SEMA4C: variants seen among roughly 807,000 people sequenced by gnomAD.
The protein encoded by SEMA4C is semaphorin 4C.
SEMA4C carries 19 observed loss-of-function variants against 89.0 expected under a neutral mutation model. The ratio of observed to expected loss-of-function variants is 0.21; its 90% CI spans 0.15 to 0.31. The LOEUF (loss-of-function observed/expected upper bound fraction) is 0.31. Among genes scored for constraint, SEMA4C ranks in the 10% least tolerant of loss-of-function variants. The pLI, the probability that SEMA4C is intolerant of heterozygous loss-of-function variation, is 1.00. For synonymous variants in SEMA4C, 428 were observed against 472.7 expected (o/e 0.91, Z 1.23); for missense variants, 811 against 1,107.0 (o/e 0.73, Z 3.79).
chr2:96,870,020 G>A lies in SEMA4C; in HGVS notation c.-182C>T, dbSNP rs950234310. 1.0e-6 allele frequency: 1 copy of A among 985,410 alleles called. No homozygotes were observed. The highest frequency in any genetic ancestry group is 1.2e-6 in the Non-Finnish European group (1 of 829,576). The allele number at this position is 985,410 out of a possible 1,614,324, so 61.0% of individuals were successfully genotyped here. On this transcript the variant is annotated 5_prime_UTR_variant, in exon 1 of 15. Coordinates refer to ENST00000305476, the MANE Select transcript of SEMA4C (RefSeq NM_017789.5). ...TGCCACCGCCCCTCCGTCCCCGCCCGGCTCCGCGCCCCTAGGCTCGGGCTC... is the reference window on the plus strand; with the variant it reads ...TGCCACCGCCCCTCCGTCCCCGCCCAGCTCCGCGCCCCTAGGCTCGGGCTC...
chr2:96,860,922 A>G lies in SEMA4C; in HGVS notation c.2206T>C (p.Tyr736His), dbSNP rs1280733942. The change falls in exon 15 of 15, where the codon TAC becomes CAC. Residue 736 changes from tyrosine to histidine, a missense_variant. Around this residue, in one of 4 missense-constraint regions of SEMA4C, gnomAD observed 248 missense variants for 269.0 expected, o/e 0.92. Coordinates refer to ENST00000305476, the MANE Select transcript of SEMA4C (RefSeq NM_017789.5). ...TTAAGGGAGCCATCTGAATAGTAGT[A>G]ACCGACAGGATCCCAAAGTTTCTCA... ...PDEKLWDPVG[Y>H]YYSDGSLKIV... is the part of the protein sequence containing the mutation. 6.2e-7 allele frequency: 1 copy of G among 1,612,952 alleles called. No individual in the cohort carries two copies. Among genetic ancestry groups the G allele is most frequent in the Non-Finnish European group, 8.5e-7 (1 of 1,180,020 alleles).
chr2:96,867,432 A>G (rs1360798381), intron 2 of SEMA4C, among the ~76,000 whole-genome samples: 1 of 151,956 alleles, frequency 6.6e-6, no homozygotes, highest in African/African-American at 2.4e-5. Flanking sequence ...AGGAGGTCTT[A>G]GGGGGGCCTG....
chr2:96,870,019 C>G lies in SEMA4C; in HGVS notation c.-181G>C. On this transcript the variant is annotated 5_prime_UTR_variant, in exon 1 of 15. Coordinates refer to ENST00000305476, the MANE Select transcript of SEMA4C (RefSeq NM_017789.5). ...CTGCCACCGCCCCTCCGTCCCCGCC[C>G]GGCTCCGCGCCCCTAGGCTCGGGCT... 1.0e-6 allele frequency: 1 copy of G among 985,498 alleles called. No individual in the cohort carries two copies. The highest frequency in any genetic ancestry group is 1.2e-6 in the Non-Finnish European group (1 of 829,604). The allele number at this position is 985,498 out of a possible 1,614,324, so 61.0% of individuals were successfully genotyped here.
Position 96,860,788 on chromosome 2 carries a change from AC to A in SEMA4C, c.2339del (p.Gly780ValfsTer15), listed in dbSNP as rs2079923658. The A allele has an allele frequency of 1.2e-6, 2 of 1,613,120 alleles. No individual in the cohort carries two copies. The highest frequency in any genetic ancestry group is 8.5e-7 in the Non-Finnish European group (1 of 1,179,884). Reference protein sequence around the residue: ...LPSPTRLHLGGGRNSNANGYV... With the variant: ...LPSPTRLHLGXGRNSNANGYV... ...AACCATTGGCATTTGAGTTCCGCCC[AC>A]CCCCCAGGTGAAGCCGAGTTGGAGA... is the stretch of plus-strand genomic sequence containing the variant. On this transcript the variant is annotated frameshift_variant, in exon 15 of 15. Coordinates refer to ENST00000305476, the MANE Select transcript of SEMA4C (RefSeq NM_017789.5). LOFTEE classifies it high-confidence loss of function.
chr2:96,866,021 C>T (rs186383117), intron 3 of SEMA4C, 92 bp from the exon 4 acceptor site: 1 of 1,342,976 alleles, frequency 7.4e-7, no homozygotes, highest in Non-Finnish European at 1.1e-6. Flanking sequence ...CAGGGACGCC[C>T]AGTGCAGAGG....
chr2:96,867,870 G>A lies in SEMA4C; in HGVS notation c.17C>T (p.Ala6Val). ...CAGCCTTGCTGCCAGCAGCCAGACA[G>A]CCCAGTGTGGGGCCATGGCGCACGC... MAPHW[A>V]VWLLAARLWG... The change falls in exon 2 of 15, where the codon GCT becomes GTT. Residue 6 changes from alanine (A) to valine (V), a missense_variant. Around this residue, in one of 4 missense-constraint regions of SEMA4C, gnomAD observed 119 missense variants for 152.7 expected, o/e 0.78. Coordinates refer to ENST00000305476, the MANE Select transcript of SEMA4C (RefSeq NM_017789.5). The A allele has an allele frequency of 6.8e-6, 11 of 1,613,606 alleles. No homozygotes were observed. Among genetic ancestry groups the A allele is most frequent in the Non-Finnish European group, 9.3e-6 (11 of 1,180,010 alleles).
At chr2:96,868,743 G>A (rs893508602) in intron 1 of SEMA4C, 2 of 985,122 alleles carry the variant, frequency 2.0e-6, no homozygotes, top group Admixed American at 6.1e-5. Context: ...GCAGGCGACG[G>A]GGGGAGGTAG....
rs769680581 is a variant in SEMA4C at position 96,864,068 on chromosome 2, C to T, written c.1188G>A (p.Lys396=). The change falls in exon 11 of 15, where the codon AAG becomes AAA. Residue 396 remains lysine, a synonymous_variant. Transcript: ENST00000305476. This position sits in a 1 kb window ranked among gnomAD's most constrained non-coding sequence, Gnocchi z 6.3. Reference sequence around the variant, plus strand: ...CCACCTGCTCCTCCATCAGCGGGTGCTTCTTGACGAAGTTGAGGATGTTGT... The same window carrying T: ...CCACCTGCTCCTCCATCAGCGGGTGTTTCTTGACGAAGTTGAGGATGTTGT... The part of the protein sequence containing the change: ...LPDNILNFVK[K]HPLMEEQVGP... 2 of 1,613,124 alleles carry T rather than the reference C, an allele frequency of 1.2e-6. No individual in the cohort carries two copies. Among genetic ancestry groups the T allele is most frequent in the South Asian group, 2.2e-5 (2 of 91,080 alleles).
At chr2:96,869,144 A>G (rs369360049) in intron 1 of SEMA4C, 2 of 985,148 alleles carry the variant, frequency 2.0e-6, no homozygotes, top group African/African-American at 3.5e-5. Context: ...TGCGCCCCAG[A>G]CCAGCCCCCC....
At chr2:96,868,371 G>C (rs989528581) in intron 1 of SEMA4C, 1 of 967,166 alleles carries the variant, frequency 1.0e-6, no homozygotes, top group African/African-American at 1.8e-5. Context: ...GGGCGACGAG[G>C]GCATGCGGTG....
upstream of SEMA4C, chr2:96,870,131 G>T: frequency 3.1e-6 from 3 of 973,366 alleles, no homozygotes; most frequent in African/African-American, 5.2e-5. Flanking sequence ...GGCTGGGGGG[G>T]TCGAGCGGAG....
Position 96,868,645 on chromosome 2 carries a change from G to C in SEMA4C, c.-37-722C>G, listed in dbSNP as rs1297336172. The C allele has an allele frequency of 1.0e-5, 10 of 985,292 alleles. No individual in the cohort carries two copies. In the South Asian group the frequency reaches 4.2e-4, roughly 42 times the overall value. The allele number at this position is 985,292 out of a possible 1,614,324, so 61.0% of individuals were successfully genotyped here. A position where few individuals can be genotyped will look rare whatever the true frequency, so the allele number is the denominator to read the frequency against. On this transcript the variant is annotated intron_variant, in intron 1 of 14. Coordinates refer to ENST00000305476, the MANE Select transcript of SEMA4C (RefSeq NM_017789.5). The stretch of plus-strand genomic sequence containing the variant: ...TGACCAGGGCCTCATCCTGTTCCTC[G>C]CACTGCCTCCTCCGAAACACCAGCC...
In SEMA4C at chr2:96,864,594, C is replaced by A; in HGVS notation, c.962+111G>T. 1 of 1,413,436 alleles carries A rather than the reference C, an allele frequency of 7.1e-7. No homozygotes were observed. The highest frequency in any genetic ancestry group is 1.4e-5 in the African/African-American group (1 of 69,976). 87.6% of individuals were successfully genotyped at this position (1,413,436 alleles called of 1,614,324 possible). A position where few individuals can be genotyped will look rare whatever the true frequency, so the allele number is the denominator to read the frequency against. Reference sequence around the variant, plus strand: ...GCCAGCATTCTCCTTGGCTTCTGGACACCTGGCTTCCGGGACTGCCTCTGA... The same window carrying A: ...GCCAGCATTCTCCTTGGCTTCTGGAAACCTGGCTTCCGGGACTGCCTCTGA... On this transcript the variant is annotated intron_variant, in intron 9 of 14. Coordinates refer to ENST00000305476, the MANE Select transcript of SEMA4C (RefSeq NM_017789.5). The surrounding 1 kb of genome is among the most constrained non-coding windows in gnomAD (Gnocchi z 6.3).
At position 96,860,402 on chromosome 2, in the gene SEMA4C, CAGAG is replaced by C. The variant is rs2079913604; in HGVS notation, c.*220_*223del. 1 of 524,850 alleles carries C rather than the reference CAGAG, an allele frequency of 1.9e-6. No individual in the cohort carries two copies. The highest frequency in any genetic ancestry group is 3.0e-5 in the East Asian group (1 of 33,048). The allele number at this position is 524,850 out of a possible 1,614,324, so 32.5% of individuals were successfully genotyped here. A position where few individuals can be genotyped will look rare whatever the true frequency, so the allele number is the denominator to read the frequency against. On this transcript the variant is annotated 3_prime_UTR_variant, in exon 15 of 15. Transcript: ENST00000305476. ...TGGGGTCCCGCGTGTCTGTGATTCA[CAGAG>C]AGGAGGAAGATGCCTTCTGCGAGGC...
upstream of SEMA4C, chr2:96,870,487 G>A: frequency 1.0e-6 from 1 of 961,398 alleles, no homozygotes; most frequent in South Asian, 4.8e-5. Flanking sequence ...GTCGAGGCGA[G>A]TATCCAGGGG....
At chr2:96,869,163 C>T in intron 1 of SEMA4C, 1 of 985,416 alleles carries the variant, frequency 1.0e-6, no homozygotes, top group Non-Finnish European at 1.2e-6. Flanking sequence ...CCAAAACGCC[C>T]GCGGCCTCAT....
rs1202317393 is a variant in SEMA4C at position 96,863,666 on chromosome 2, G to C, written c.1443+16C>G. On this transcript the variant is annotated intron_variant, in intron 12 of 14. Coordinates refer to ENST00000305476, the MANE Select transcript of SEMA4C (RefSeq NM_017789.5). ...ATAGTGCTGGGGACAGTGGCAGATA[G>C]GGCCCAACTTACTACCTTGCTCTGA... The C allele has an allele frequency of 6.2e-7, 1 of 1,603,664 alleles. No individual in the cohort carries two copies.
rs780078462 is a variant in SEMA4C at position 96,864,291 on chromosome 2, C to T, written c.1054G>A (p.Ala352Thr). 3 of 1,614,070 alleles carry T rather than the reference C, an allele frequency of 1.9e-6. No homozygotes were observed. The highest frequency in any genetic ancestry group is 3.3e-5 in the Admixed American group (2 of 60,026). Residue 352 changes from alanine (A) to threonine (T), a missense_variant, in exon 10 of 15, where the codon GCC becomes ACC. Ala to Thr is a moderately conservative substitution (Grantham distance 58, BLOSUM62 0). Coordinates refer to ENST00000305476, the MANE Select transcript of SEMA4C (RefSeq NM_017789.5). This position sits in a 1 kb window ranked among gnomAD's most constrained non-coding sequence, Gnocchi z 6.3. ...TCAGTGTAGCGGTCCCACTTCTGGG[C>T]TTCCTCATGGTACTCCTTATAGGGG... ...EGPYKEYHEE[A>T]QKWDRYTDPV...
At position 96,864,649 on chromosome 2, in the gene SEMA4C, G is replaced by C; in HGVS notation, c.962+56C>G. The C allele has an allele frequency of 6.4e-7, 1 of 1,555,570 alleles. No individual in the cohort carries two copies. Among genetic ancestry groups the C allele is most frequent in the Non-Finnish European group, 8.7e-7 (1 of 1,146,632 alleles). On this transcript the variant is annotated intron_variant, in intron 9 of 14. Coordinates refer to ENST00000305476, the MANE Select transcript of SEMA4C (RefSeq NM_017789.5). This position sits in a 1 kb window ranked among gnomAD's most constrained non-coding sequence, Gnocchi z 6.3. Reference sequence around the variant, plus strand: ...TGGTCCAGGCTCCCACCCATGCACCGTCCCTGACCTGAACCCCAGCTCCTC... The same window carrying C: ...TGGTCCAGGCTCCCACCCATGCACCCTCCCTGACCTGAACCCCAGCTCCTC...
Sources: allele counts gnomAD v4.1 joint callset (sites outside exome capture counted in the v4.1 genomes callset), GRCh38; gene constraint gnomAD v4.1.1; regional missense constraint gnomAD v4.1.1; non-coding constraint Gnocchi (gnomAD v3.1); transcripts MANE v1.5; gene names NCBI Gene and HGNC (gene_info 2026-07-23, HGNC 2026-07-21).